The following RPS6KC1 variants were observed in gnomAD, a reference collection of about 807,000 sequenced individuals.
RPS6KC1 encodes inactive ribosomal protein S6 kinase delta-1.
Under a neutral mutation model 103.8 loss-of-function variants are expected in RPS6KC1, and 54 were observed. That is an observed-to-expected ratio of 0.52 (90% CI 0.42 to 0.65). The LOEUF is 0.65. Among genes scored for constraint, RPS6KC1 ranks in the 30% least tolerant of loss-of-function variants. The pLI is 0.00. For missense variants in RPS6KC1, 1,151 were observed against 1,253.8 expected (o/e 0.92, Z 1.24); for synonymous variants, 439 against 438.7 (o/e 1.00, Z -0.01).
the RPS6KC1 span, chr1:213,820,979 A>G: frequency 6.6e-6 from 1 of 152,018 alleles, no homozygotes; most frequent in Non-Finnish European, 1.5e-5. Context: ...CCCTCCTACT[A>G]CAACATATCC....
chr1:213,744,049 G>A, the RPS6KC1 span, among the ~76,000 whole-genome samples: 3,268 of 152,236 alleles, frequency 0.021, 126 homozygotes, highest in African/African-American at 0.074. Context: ...AATATTGTAT[G>A]TTCTCACTTA....
At chr1:213,758,473 G>T in the RPS6KC1 span, among the ~76,000 whole-genome samples, 1 of 151,974 alleles carries the variant, frequency 6.6e-6, no homozygotes, top group Admixed American at 6.6e-5. Context: ...AGCTACTCAG[G>T]AGGCTGAGGC....
the RPS6KC1 span, among the ~76,000 whole-genome samples, chr1:213,582,065 T>G: frequency 1.3e-5 from 2 of 151,340 alleles, no homozygotes; most frequent in Admixed American, 1.3e-4. Context: ...TCCTAAAAAC[T>G]TTGGCTCTTA....
the RPS6KC1 span, among the ~76,000 whole-genome samples, chr1:213,332,400 G>A: frequency 6.6e-6 from 1 of 152,172 alleles, no homozygotes; most frequent in Non-Finnish European, 1.5e-5. Context: ...TTGATACAGC[G>A]ATCCAATCAA....
chr1:213,804,216 A>G, the RPS6KC1 span, among the ~76,000 whole-genome samples: 3 of 149,884 alleles, frequency 2.0e-5, no homozygotes, highest in Non-Finnish European at 1.5e-5. Flanking sequence ...TTCTCCTGGA[A>G]TATTTTCAGG....
chr1:213,193,122 G>A (rs2092810898), intron 8 of RPS6KC1, among the ~76,000 whole-genome samples: 2 of 151,190 alleles, frequency 1.3e-5, no homozygotes, highest in Admixed American at 1.3e-4. Flanking sequence ...CCTGCCATAT[G>A]GTCTGTCCTT....
the RPS6KC1 span, among the ~76,000 whole-genome samples, chr1:213,347,209 G>A: frequency 1.3e-5 from 2 of 152,128 alleles, no homozygotes; most frequent in South Asian, 2.1e-4. Context: ...TGCAAAACAG[G>A]TGGTGAAAAT....
chr1:213,716,566 A>G, the RPS6KC1 span, among the ~76,000 whole-genome samples: 7 of 152,180 alleles, frequency 4.6e-5, no homozygotes, highest in African/African-American at 9.7e-5. Flanking sequence ...GGGGGAAAAA[A>G]TCTTGCTTTC....
the RPS6KC1 span, among the ~76,000 whole-genome samples, chr1:213,386,165 A>C: frequency 6.4e-4 from 98 of 152,160 alleles, no homozygotes; most frequent in African/African-American, 2.3e-3. Context: ...AGCAACTGGC[A>C]CCTTTCCACT....
chr1:213,318,560 A>G, the RPS6KC1 span, among the ~76,000 whole-genome samples: 1 of 152,230 alleles, frequency 6.6e-6, no homozygotes, highest in African/African-American at 2.4e-5. Context: ...CTGTTTTCAC[A>G]CTGCTAATAA....
the RPS6KC1 span, among the ~76,000 whole-genome samples, chr1:213,849,199 C>T: frequency 2.0e-5 from 3 of 152,158 alleles, no homozygotes; most frequent in Admixed American, 6.5e-5. Flanking sequence ...ATGGACTCAG[C>T]TGGGTCACCT....
chr1:213,476,859 T>C, the RPS6KC1 span, among the ~76,000 whole-genome samples: 5 of 152,238 alleles, frequency 3.3e-5, no homozygotes, highest in African/African-American at 1.2e-4. Context: ...TCATTGCAGT[T>C]TGCTGTAAGA....
chr1:213,056,950 C>G (rs561007393), intron 1 of RPS6KC1, among the ~76,000 whole-genome samples: 1 of 150,734 alleles, frequency 6.6e-6, no homozygotes, highest in East Asian at 2.0e-4. Context: ...ATGGCAGACT[C>G]TATTCTTTTT....
At chr1:213,077,574 G>A (rs2079458637) in intron 2 of RPS6KC1, 122 bp from the exon 3 acceptor site, 1 of 497,494 alleles carries the variant, frequency 2.0e-6, no homozygotes, top group Non-Finnish European at 3.5e-6. Flanking sequence ...TAATCATATT[G>A]TTTAGGACAT....
the RPS6KC1 span, among the ~76,000 whole-genome samples, chr1:213,783,168 A>C: frequency 6.6e-6 from 1 of 152,220 alleles, no homozygotes; most frequent in Non-Finnish European, 1.5e-5. Context: ...GCAGTATGAC[A>C]GCTAAACCAA....
chr1:213,571,567 A>C, the RPS6KC1 span, among the ~76,000 whole-genome samples: 5 of 152,334 alleles, frequency 3.3e-5, no homozygotes, highest in Admixed American at 3.3e-4. Flanking sequence ...ACCTCAGTGC[A>C]TATAGTTCCC....
intron 12 of RPS6KC1, among the ~76,000 whole-genome samples, chr1:213,252,869 T>C (rs140026787): frequency 1.3e-5 from 2 of 152,314 alleles, no homozygotes; most frequent in African/African-American, 4.8e-5. Flanking sequence ...ATGTTACTTA[T>C]GTGATAAATT....
chr1:213,426,415 G>A, the RPS6KC1 span, among the ~76,000 whole-genome samples: 3 of 152,112 alleles, frequency 2.0e-5, no homozygotes, highest in Non-Finnish European at 4.4e-5. Flanking sequence ...TGGGAAGGCT[G>A]GTAGGGCCGA....
At chr1:213,457,580 A>G in the RPS6KC1 span, among the ~76,000 whole-genome samples, 1 of 152,222 alleles carries the variant, frequency 6.6e-6, no homozygotes, top group African/African-American at 2.4e-5. Flanking sequence ...TAGTTCAACT[A>G]CCAGAGCTCA....
Sources: gnomAD v4.1 joint callset for allele counts (sites outside exome capture counted in the v4.1 genomes callset) on GRCh38, gnomAD v4.1.1 for gene constraint, MANE v1.5 for transcripts, NCBI Gene and HGNC (gene_info 2026-07-23, HGNC 2026-07-21) for gene names.